The following LRP2 variants were observed in gnomAD, a reference collection of about 807,000 sequenced individuals.
The protein encoded by LRP2 is low-density lipoprotein receptor-related protein 2.
LRP2 carries 172 observed loss-of-function variants against 531.0 expected under a neutral mutation model. The observed-to-expected ratio is 0.32, with a 90% CI of 0.29 to 0.37. The LOEUF (loss-of-function observed/expected upper bound fraction) is 0.37, where lower values mean the gene tolerates loss of function less well. Ranked by LOEUF, LRP2 falls within the 10% of genes least tolerant of loss-of-function variation. The pLI, the probability that LRP2 is intolerant of heterozygous loss-of-function variation, is 1.00. For missense variants in LRP2, 5,167 were observed against 5,868.3 expected (o/e 0.88, Z 3.90); for synonymous variants, 1,992 against 2,027.6 (o/e 0.98, Z 0.47).
chr2:169,216,642 G>T (rs1688807290), intron 34 of LRP2, among the ~76,000 whole-genome samples: 1 of 152,166 alleles, frequency 6.6e-6, no homozygotes, highest in South Asian at 2.1e-4. Flanking sequence ...TGGAGTAGAG[G>T]CCACTTAAAA....
chr2:169,164,463 C>A (rs1274086474), intron 62 of LRP2, among the ~76,000 whole-genome samples: 1 of 152,188 alleles, frequency 6.6e-6, no homozygotes, highest in East Asian at 1.9e-4. Context: ...AATGCATATT[C>A]TTGCATTTTC....
chr2:169,313,560 G>A (rs953267320), intron 3 of LRP2, among the ~76,000 whole-genome samples: 7 of 152,152 alleles, frequency 4.6e-5, no homozygotes, highest in African/African-American at 7.2e-5. Flanking sequence ...CTTCCTGATC[G>A]TTCCTCTGGA....
chr2:169,212,995 T>TA (rs71003070), intron 36 of LRP2, among the ~76,000 whole-genome samples: 44,666 of 151,920 alleles, frequency 0.29, 10,062 homozygotes, highest in African/African-American at 0.64. Flanking sequence ...CACATGCAGT[T>TA]AAAAAAATAC....
chr2:169,148,985 A>G (rs902402817), intron 68 of LRP2, among the ~76,000 whole-genome samples: 1 of 152,200 alleles, frequency 6.6e-6, no homozygotes, highest in Admixed American at 6.5e-5. Context: ...TACTTTCTCC[A>G]TAGAGCTTCC....
chr2:169,161,735 A>G (rs1322789539), intron 63 of LRP2, among the ~76,000 whole-genome samples: 2 of 152,196 alleles, frequency 1.3e-5, no homozygotes, highest in South Asian at 2.1e-4. Flanking sequence ...CGGCCTCCCA[A>G]AGTGTTGGGA....
rs573125296 is a variant in LRP2, at chr2:169,247,282, C to A, written c.2908+96G>T. On this transcript the variant is annotated intron_variant, in intron 20 of 78. Coordinates refer to ENST00000649046, the MANE Select transcript of LRP2 (RefSeq NM_004525.3). ...GAATATAAAACTACCAGGAGCTAGA[C>A]CTTTAAGTAATAAGTACTTAAAGAG... 1.6e-3 allele frequency: 2,067 copies of A among 1,289,518 alleles called. 2 individuals carry two copies. The highest frequency in any genetic ancestry group is 1.9e-3 in the Non-Finnish European group (1,751 of 916,048). 79.9% of individuals were successfully genotyped at this position (1,289,518 alleles called of 1,614,324 possible). A position where few individuals can be genotyped will look rare whatever the true frequency, so the allele number is the denominator to read the frequency against.
intron 37 of LRP2, among the ~76,000 whole-genome samples, chr2:169,210,259 C>A (rs1158723090): frequency 6.6e-6 from 1 of 152,070 alleles, no homozygotes; most frequent in Non-Finnish European, 1.5e-5. Flanking sequence ...GGAGCCAAGA[C>A]ATTCACAGGG....
rs1275076469 is a variant in LRP2 at position 169,307,357 on chromosome 2, A to T, written c.351T>A (p.Asn117Lys). 1 of 1,613,988 alleles carries T rather than the reference A, an allele frequency of 6.2e-7. No homozygotes were observed. Among genetic ancestry groups the T allele is most frequent in the African/African-American group, 1.3e-5 (1 of 75,056 alleles). ...TCSSHQITCS[N>K]GQCIPSEYRC... ...TGTATTCACTTGGGATACACTGACC[A>T]TTGGAGCATGTTATCTGATGACTTG... Residue 117 changes from asparagine (N) to lysine (K), a missense_variant, in exon 4 of 79, where the codon AAT (asparagine) becomes AAA (lysine). Around this residue, in one of 6 missense-constraint regions of LRP2, gnomAD observed 2,811 missense variants for 3,058.0 expected, o/e 0.92. Transcript: ENST00000649046.
intron 1 of LRP2, among the ~76,000 whole-genome samples, chr2:169,338,285 AAG>A (rs1456502894): frequency 2.5e-4 from 33 of 130,566 alleles, no homozygotes; most frequent in Admixed American, 5.9e-4. Flanking sequence ...GAAAGAAAGA[AAG>A]AAAAAAGGAA....
intron 63 of LRP2, 64 bp from the exon 64 acceptor site, chr2:169,157,566 C>A: frequency 1.3e-6 from 2 of 1,586,526 alleles, no homozygotes; most frequent in Non-Finnish European, 1.7e-6. Flanking sequence ...AGTGGTGTAT[C>A]AAAAGAAGCA....
intron 4 of LRP2, among the ~76,000 whole-genome samples, chr2:169,299,048 T>C (rs1684202845): frequency 7.4e-6 from 1 of 134,316 alleles, no homozygotes; most frequent in African/African-American, 2.9e-5. Flanking sequence ...AAAAAAGAAA[T>C]TCAGAAAGAA....
At chr2:169,200,331 C>G (rs1688162558) in intron 44 of LRP2, among the ~76,000 whole-genome samples, 1 of 152,104 alleles carries the variant, frequency 6.6e-6, no homozygotes, top group Non-Finnish European at 1.5e-5. Flanking sequence ...GCAATGAAAG[C>G]TAAGTAGGAA....
chr2:169,183,226 C>A (rs1407395705), intron 50 of LRP2, among the ~76,000 whole-genome samples: 2 of 152,212 alleles, frequency 1.3e-5, no homozygotes, highest in African/African-American at 2.4e-5. Flanking sequence ...ACGCGCTTAA[C>A]CATTCATGCT....
At chr2:169,277,656 A>T in intron 13 of LRP2, 89 bp downstream of exon 13, 2 of 1,185,528 alleles carry the variant, frequency 1.7e-6, no homozygotes, top group Non-Finnish European at 2.5e-6. Context: ...GCAATATTTT[A>T]ATTCTGGTCC....
At chr2:169,346,205 C>T (rs1220847263) in intron 1 of LRP2, among the ~76,000 whole-genome samples, 1 of 152,154 alleles carries the variant, frequency 6.6e-6, no homozygotes, top group African/African-American at 2.4e-5. Flanking sequence ...TAGCCCAAGT[C>T]CCTCTTGGTG....
chr2:169,279,768 T>A (rs999030051), intron 11 of LRP2, among the ~76,000 whole-genome samples, 173 bp from the exon 12 acceptor site: 1 of 152,158 alleles, frequency 6.6e-6, no homozygotes, highest in Non-Finnish European at 1.5e-5. Flanking sequence ...AATGGTATAA[T>A]AAAATGTAAG....
In LRP2 at chr2:169,177,890, A is replaced by G; in HGVS notation, c.10306T>C (p.Tyr3436His). 6.2e-7 allele frequency: 1 copy of G among 1,614,176 alleles called. No individual in the cohort carries two copies. Among genetic ancestry groups the G allele is most frequent in the African/African-American group, 1.3e-5 (1 of 75,038 alleles). The change falls in exon 53 of 79, where the codon TAT becomes CAT. Residue 3436 changes from tyrosine (Y) to histidine (H), a missense_variant. Physicochemically the swap from Tyr to His is moderately conservative, Grantham distance 83 (BLOSUM62 2). This residue lies in a region of LRP2 where 1,129 missense variants were observed against 1,362.7 expected (regional missense o/e 0.83). Coordinates refer to ENST00000649046, the MANE Select transcript of LRP2 (RefSeq NM_004525.3). ...NTRTVEKGNK[Y>H]DGSNRQTLVN... Reference sequence around the variant, plus strand: ...AGTGTCTGTCTATTTGATCCATCATATTTGTTTCCCTTTTCCACTGTCCTT... The same window carrying G: ...AGTGTCTGTCTATTTGATCCATCATGTTTGTTTCCCTTTTCCACTGTCCTT...
intron 3 of LRP2, among the ~76,000 whole-genome samples, chr2:169,310,517 A>G (rs1470385669): frequency 2.0e-5 from 3 of 152,170 alleles, no homozygotes; most frequent in Admixed American, 6.5e-5. Context: ...TGATTTGCGT[A>G]TGTTGAACCA....
intron 8 of LRP2, 136 bp downstream of exon 8, chr2:169,290,709 G>T: frequency 1.1e-6 from 1 of 907,338 alleles, no homozygotes; most frequent in Non-Finnish European, 1.7e-6. Flanking sequence ...AATAAGACAC[G>T]TTTCTCAGTT....
Sources: gnomAD v4.1 joint callset for allele counts (sites outside exome capture counted in the v4.1 genomes callset) on GRCh38, gnomAD v4.1.1 for gene constraint, gnomAD v4.1.1 regional missense constraint, MANE v1.5 for transcripts, NCBI Gene and HGNC (gene_info 2026-07-23, HGNC 2026-07-21) for gene names.